OSTN: variants seen among roughly 807,000 people sequenced by gnomAD.
The protein encoded by OSTN is osteocrin.
A neutral mutation model predicts 12.0 loss-of-function variants in OSTN; 9 were observed. The ratio of observed to expected loss-of-function variants is 0.75; its 90% CI spans 0.45 to 1.30. The LOEUF is 1.30. Among genes scored for constraint, OSTN ranks in the 50% most tolerant of loss-of-function variants. OSTN has a pLI of 0.00. For synonymous variants in OSTN, 59 were observed against 56.9 expected (o/e 1.04, Z -0.16); for missense variants, 148 against 152.3 (o/e 0.97, Z 0.15).
chr3:191,250,146 T>G lies in OSTN; in HGVS notation c.*12+13T>G, dbSNP rs1483146071. On this transcript the variant is annotated intron_variant, in intron 4 of 4. Transcript: ENST00000682035. The stretch of plus-strand genomic sequence containing the variant: ...ATTGATTCCAATTGTGAGTACAATT[T>G]GAATAAGTAACAGTATATGCAGGTA... 2 of 1,531,512 alleles carry G rather than the reference T, an allele frequency of 1.3e-6. No homozygotes were observed. Among genetic ancestry groups the G allele is most frequent in the Non-Finnish European group, 1.8e-6 (2 of 1,104,926 alleles). 94.9% of individuals were successfully genotyped at this position (1,531,512 alleles called of 1,614,324 possible).
intron 3 of OSTN, among the ~76,000 whole-genome samples, chr3:191,220,265 T>C (rs1344487814): frequency 6.6e-6 from 1 of 152,164 alleles, no homozygotes; most frequent in Non-Finnish European, 1.5e-5. Flanking sequence ...AATAAAATCA[T>C]CATTTGAAGA....
At chr3:191,212,256 A>G (rs1201676579) in intron 1 of OSTN, among the ~76,000 whole-genome samples, 1 of 152,186 alleles carries the variant, frequency 6.6e-6, no homozygotes, top group Non-Finnish European at 1.5e-5. Flanking sequence ...CATTACCTGC[A>G]TTTCTCATAT....
chr3:191,202,013 G>A (rs1458251692), intron 1 of OSTN, among the ~76,000 whole-genome samples: 1 of 152,116 alleles, frequency 6.6e-6, no homozygotes, highest in Non-Finnish European at 1.5e-5. Context: ...TAAATGACAT[G>A]CCTAATCAGG....
At position 191,250,152 on chromosome 3, in the gene OSTN, A is replaced by T; in HGVS notation, c.*12+19A>T. On this transcript the variant is annotated intron_variant, in intron 4 of 4. Coordinates refer to ENST00000682035, the MANE Select transcript of OSTN (RefSeq NM_198184.2). ...TCCAATTGTGAGTACAATTTGAATA[A>T]GTAACAGTATATGCAGGTATTTGAT... 6.6e-7 allele frequency: 1 copy of T among 1,518,716 alleles called. No individual in the cohort carries two copies. The highest frequency in any genetic ancestry group is 9.1e-7 in the Non-Finnish European group (1 of 1,093,330). The allele number at this position is 1,518,716 out of a possible 1,614,324, so 94.1% of individuals were successfully genotyped here. A position where few individuals can be genotyped will look rare whatever the true frequency, so the allele number is the denominator to read the frequency against.
At chr3:191,210,708 T>C (rs963334791) in intron 1 of OSTN, among the ~76,000 whole-genome samples, 1 of 152,206 alleles carries the variant, frequency 6.6e-6, no homozygotes, top group African/African-American at 2.4e-5. Context: ...CAGCAGGTTT[T>C]CCAAATGACT....
At chr3:191,247,724 T>C (rs1323045969) in intron 3 of OSTN, among the ~76,000 whole-genome samples, 4 of 152,214 alleles carry the variant, frequency 2.6e-5, no homozygotes, top group African/African-American at 4.8e-5. Flanking sequence ...ATTAAGTAAA[T>C]ATTAGTTGTC....
rs192966492 is a variant in OSTN, at chr3:191,221,126, G to A, written c.317+2165G>A. On this transcript the variant is annotated intron_variant, in intron 3 of 4. Coordinates refer to ENST00000682035, the MANE Select transcript of OSTN (RefSeq NM_198184.2). Reference sequence around the variant, plus strand: ...CTTTCGCTCTGCTCTTCTCCTTGCTGCCACCATGTGGAGAAGGACATGTTT... The same window carrying A: ...CTTTCGCTCTGCTCTTCTCCTTGCTACCACCATGTGGAGAAGGACATGTTT... 2.0e-5 allele frequency among the ~76,000 whole-genome samples: 3 copies of A among 152,266 alleles called. No individual in the cohort carries two copies. In the East Asian group the frequency reaches 5.8e-4, roughly 29 times the overall value.
At chr3:191,229,778 T>C (rs1239678619) in intron 3 of OSTN, 6 of 152,116 alleles carry the variant, frequency 3.9e-5, no homozygotes, top group Non-Finnish European at 2.9e-5. Context: ...TTTAAATAAC[T>C]TATGGGCCGG....
chr3:191,201,244 C>G (rs1246302785), intron 1 of OSTN, among the ~76,000 whole-genome samples: 1 of 152,106 alleles, frequency 6.6e-6, no homozygotes, highest in East Asian at 1.9e-4. Context: ...CCTCCAGTAA[C>G]AATGCCTCTG....
intron 3 of OSTN, among the ~76,000 whole-genome samples, chr3:191,235,472 G>A (rs1417051001): frequency 1.3e-5 from 2 of 152,154 alleles, no homozygotes. Context: ...GTAAAACAAA[G>A]TCTTACTTGA....
At chr3:191,211,824 G>A (rs1714425431) in intron 1 of OSTN, among the ~76,000 whole-genome samples, 3 of 151,816 alleles carry the variant, frequency 2.0e-5, no homozygotes, top group Admixed American at 2.0e-4. Context: ...TTTAATTTGT[G>A]TCTATCTTTA....
In OSTN at chr3:191,210,325, C is replaced by T. The variant is rs2108589862; in HGVS notation, c.1-2208C>T. Among the ~76,000 whole-genome samples the T allele has an allele frequency of 3.9e-5, 6 of 152,296 alleles. 1 individual carries two copies. The Middle Eastern group carries it at 0.017, about 432-fold the overall frequency. On this transcript the variant is annotated intron_variant, in intron 1 of 4. Coordinates refer to ENST00000682035, the MANE Select transcript of OSTN (RefSeq NM_198184.2). ...GGCAGTGCGTTAGCAGTGGCACGCA[C>T]CCGAGCCTCTGCCTCTGTGCAAACA...
At chr3:191,229,134 G>A (rs1490176306) in intron 3 of OSTN, among the ~76,000 whole-genome samples, 2 of 152,168 alleles carry the variant, frequency 1.3e-5, no homozygotes, top group African/African-American at 4.8e-5. Context: ...GGAAACTACA[G>A]GACAAATAAT....
At chr3:191,208,958 G>C (rs973680213) in intron 1 of OSTN, among the ~76,000 whole-genome samples, 1 of 152,184 alleles carries the variant, frequency 6.6e-6, no homozygotes, top group African/African-American at 2.4e-5. Flanking sequence ...AGGAGTTCGA[G>C]AGCAGCCTGG....
chr3:191,235,752 C>T (rs982922519), intron 3 of OSTN, among the ~76,000 whole-genome samples: 3 of 152,240 alleles, frequency 2.0e-5, no homozygotes, highest in African/African-American at 7.2e-5. Flanking sequence ...GGGCAAGGTC[C>T]CTTTTATAAT....
chr3:191,202,394 G>C, intron 1 of OSTN, among the ~76,000 whole-genome samples: 1 of 152,208 alleles, frequency 6.6e-6, no homozygotes, highest in East Asian at 1.9e-4. Context: ...GAACCAGGCT[G>C]TGAGCAACAG....
intron 4 of OSTN, among the ~76,000 whole-genome samples, chr3:191,252,208 C>A (rs887734632): frequency 1.3e-5 from 2 of 152,196 alleles, no homozygotes; most frequent in South Asian, 2.1e-4. Context: ...TACAGGCGTG[C>A]GCCACCACGC....
Position 191,213,783 on chromosome 3 carries a change from T to C in OSTN, c.102+1149T>C, listed in dbSNP as rs530357110. Among the ~76,000 whole-genome samples the C allele has an allele frequency of 5.9e-5, 9 of 152,126 alleles. No individual in the cohort carries two copies. The South Asian group carries it at 1.7e-3, about 28-fold the overall frequency. On this transcript the variant is annotated intron_variant, in intron 2 of 4. Coordinates refer to ENST00000682035, the MANE Select transcript of OSTN (RefSeq NM_198184.2). ...TTCTAAAAGTTTTTTTTTTTAAGAT[T>C]AAGGATGTTTCTTAAAAAAACGATT...
At chr3:191,211,445 T>A (rs942831373) in intron 1 of OSTN, among the ~76,000 whole-genome samples, 2 of 152,218 alleles carry the variant, frequency 1.3e-5, no homozygotes, top group African/African-American at 4.8e-5. Context: ...GGCTACTATA[T>A]ACCATGAGGC....
Sources: gnomAD v4.1 joint callset for allele counts (sites outside exome capture counted in the v4.1 genomes callset) on GRCh38, gnomAD v4.1.1 for gene constraint, MANE v1.5 for transcripts, NCBI Gene and HGNC (gene_info 2026-07-23, HGNC 2026-07-21) for gene names.